Variants in ZNF236 observed in about 807,000 individuals in gnomAD.
ZNF236 encodes zinc finger protein 236.
A neutral mutation model predicts 191.2 loss-of-function variants in ZNF236; 50 were observed. The observed-to-expected ratio is 0.26, with a 90% confidence interval of 0.21 to 0.33. The LOEUF is 0.33. Ranked by LOEUF, ZNF236 falls within the 10% of genes least tolerant of loss-of-function variation. The probability of loss-of-function intolerance (pLI) is 1.00; values close to 1 mark genes in which losing one functional copy is unlikely to be tolerated. For missense variants in ZNF236, 1,754 were observed against 2,374.5 expected, an observed-to-expected ratio of 0.74 and a Z score of 5.43; for synonymous variants, 907 against 928.8, an observed-to-expected ratio of 0.98 and a Z score of 0.43.
chr18:76,947,464 A>G, intron 26 of ZNF236, 57 bp from the exon 27 acceptor site: 2 of 1,578,538 alleles, frequency 1.3e-6, no homozygotes, highest in East Asian at 4.5e-5. Flanking sequence ...GATCTTTTAA[A>G]TTATTGCTTG....
chr18:76,833,277 T>C (rs8086415), intron 1 of ZNF236, among the ~76,000 whole-genome samples: 4,107 of 152,236 alleles, frequency 0.027, 176 homozygotes, highest in African/African-American at 0.093. Flanking sequence ...ATTCTTGACT[T>C]GTTCCCAACT....
In ZNF236 at chr18:76,880,157, A is replaced by G. The variant is rs946654131; in HGVS notation, c.1029A>G (p.Gln343=). ...TACCTCTTCAACAGACGGAAGCCCA[A>G]GCCACGTCGGCCTCAAGCCAGCCGA... ...QTLPLQQTEA[Q]ATSASSQPSS... is the part of the protein sequence containing the mutation. Residue 343 remains glutamine (Q), a synonymous_variant, in exon 8 of 31, where the codon CAA becomes CAG. Coordinates refer to ENST00000320610, the MANE Select transcript of ZNF236 (RefSeq NM_001306089.2). The surrounding 1 kb of genome is among the most constrained non-coding windows in gnomAD (Gnocchi z 5.0). 3.3e-5 allele frequency: 54 copies of G among 1,614,012 alleles called. No homozygotes were observed. The highest frequency in any genetic ancestry group is 4.2e-5 in the Non-Finnish European group (50 of 1,180,010).
At chr18:76,930,407 T>C (rs1280281975) in intron 25 of ZNF236, among the ~76,000 whole-genome samples, 1 of 152,218 alleles carries the variant, frequency 6.6e-6, no homozygotes. Context: ...TTTACCAAGT[T>C]TTTCCAAGGC....
chr18:76,847,990 G>T (rs992140498), intron 1 of ZNF236, among the ~76,000 whole-genome samples: 1 of 152,170 alleles, frequency 6.6e-6, no homozygotes, highest in African/African-American at 2.4e-5. Context: ...GCCGGAATTT[G>T]CCTTTTCTCA....
At chr18:76,935,440 A>G (rs1456393130) in intron 25 of ZNF236, among the ~76,000 whole-genome samples, 2 of 152,184 alleles carry the variant, frequency 1.3e-5, no homozygotes, top group African/African-American at 4.8e-5. Flanking sequence ...TTCATGCTGC[A>G]CAGTCCCGGA....
At position 76,917,839 on chromosome 18, in the gene ZNF236, C is replaced by T. The variant is rs147150492; in HGVS notation, c.3275-1937C>T. On this transcript the variant is annotated intron_variant, in intron 19 of 30. Coordinates refer to ENST00000320610, the MANE Select transcript of ZNF236 (RefSeq NM_001306089.2). Reference sequence around the variant, plus strand: ...CATTCCAAGCTTTATTGGTATAATGCGGACTTTCAGTTTGCTGTATCTTTT... The same window carrying T: ...CATTCCAAGCTTTATTGGTATAATGTGGACTTTCAGTTTGCTGTATCTTTT... 5.6e-4 allele frequency among the ~76,000 whole-genome samples: 86 copies of T among 152,228 alleles called. 1 individual carries two copies. The East Asian group carries it at 0.015, about 26-fold the overall frequency.
At chr18:76,944,856 GT>G (rs1968219032) in intron 26 of ZNF236, among the ~76,000 whole-genome samples, 1 of 152,170 alleles carries the variant, frequency 6.6e-6, no homozygotes, top group Non-Finnish European at 1.5e-5. Flanking sequence ...TTGTATTCAA[GT>G]TTTTTTAATT....
chr18:76,852,409 T>C (rs531217175), intron 3 of ZNF236, among the ~76,000 whole-genome samples: 3 of 152,204 alleles, frequency 2.0e-5, no homozygotes, highest in African/African-American at 7.2e-5. Context: ...TCCTGGGAGC[T>C]CCACAGGCCC....
intron 1 of ZNF236, among the ~76,000 whole-genome samples, chr18:76,842,299 C>T (rs1568190099): frequency 1.3e-5 from 2 of 151,526 alleles, no homozygotes; most frequent in African/African-American, 4.9e-5. Flanking sequence ...ATGTACCTCT[C>T]CTTTACCAGC....
chr18:76,897,309 A>G (rs1428415986), intron 10 of ZNF236, among the ~76,000 whole-genome samples: 10 of 152,022 alleles, frequency 6.6e-5, no homozygotes. Flanking sequence ...AGTACCAAAC[A>G]GTACTGCACA....
Position 76,959,753 on chromosome 18 carries a change from G to C in ZNF236, c.5179G>C (p.Asp1727His). The C allele has an allele frequency of 6.2e-7, 1 of 1,614,074 alleles. No homozygotes were observed. Among genetic ancestry groups the C allele is most frequent in the Non-Finnish European group, 8.5e-7 (1 of 1,179,994 alleles). The change falls in exon 29 of 31, where the codon GAC (aspartate) becomes CAC (histidine). Residue 1727 changes from aspartate to histidine, a missense_variant. Transcript: ENST00000320610. ...SSQKPRVFKCDTCEKAFAKPS... is the reference protein window; with the variant it reads ...SSQKPRVFKCHTCEKAFAKPS... Reference sequence around the variant, plus strand: ...CCAGAAGCCAAGAGTGTTTAAATGTGACACTTGTGAGAAGGCATTTGCCAA... The same window carrying C: ...CCAGAAGCCAAGAGTGTTTAAATGTCACACTTGTGAGAAGGCATTTGCCAA...
At chr18:76,874,955 TTTTCAGCAGACAAG>T (rs1266957552) in intron 5 of ZNF236, among the ~76,000 whole-genome samples, 1 of 151,946 alleles carries the variant, frequency 6.6e-6, no homozygotes, top group East Asian at 1.9e-4. Context: ...CCATTGAGGG[TTTTCAGCAGACAAG>T]TGACTTGCTC....
chr18:76,920,551 C>A (rs369278684), intron 20 of ZNF236, among the ~76,000 whole-genome samples: 436 of 141,822 alleles, frequency 3.1e-3, no homozygotes, highest in Admixed American at 3.0e-3. Context: ...AACTCCGTCT[C>A]AAAAAAAAAA....
At chr18:76,953,324 C>T (rs1037200331) in intron 27 of ZNF236, among the ~76,000 whole-genome samples, 2 of 152,160 alleles carry the variant, frequency 1.3e-5, no homozygotes, top group African/African-American at 2.4e-5. Flanking sequence ...GGGCCATGGC[C>T]TTCTTTTGAA....
chr18:76,855,079 A>G (rs984841592), intron 3 of ZNF236, among the ~76,000 whole-genome samples: 8 of 151,872 alleles, frequency 5.3e-5, no homozygotes, highest in Non-Finnish European at 8.8e-5. Context: ...GCGCCCCACC[A>G]TATCCAGCTA....
rs1967115493 is a variant in ZNF236, at chr18:76,908,381, G to A, written c.2359G>A (p.Val787Ile). Residue 787 changes from valine to isoleucine, a missense_variant, in exon 14 of 31, where the codon GTA becomes ATA. Around this residue, in one of 5 missense-constraint regions of ZNF236, gnomAD observed 641 missense variants for 869.6 expected, o/e 0.74. Coordinates refer to ENST00000320610, the MANE Select transcript of ZNF236 (RefSeq NM_001306089.2). ...GGCAGCCTCGATAGATGACAGCACT[G>A]TAGACCAGCAGAGCATGCAGGCCTC... ...QQAASIDDST[V>I]DQQSMQASTQ... is the part of the protein sequence containing the mutation. The A allele has an allele frequency of 5.0e-6, 8 of 1,614,218 alleles. No individual in the cohort carries two copies. In the South Asian group the frequency reaches 5.5e-5, roughly 11 times the overall value.
chr18:76,890,821 C>G (rs1977206095), intron 9 of ZNF236, among the ~76,000 whole-genome samples: 1 of 152,100 alleles, frequency 6.6e-6, no homozygotes, highest in African/African-American at 2.4e-5. Flanking sequence ...CTAGACAACA[C>G]AAATTTGAAC....
At position 76,959,691 on chromosome 18, in the gene ZNF236, A is replaced by G; in HGVS notation, c.5117A>G (p.His1706Arg). 6.2e-7 allele frequency: 1 copy of G among 1,607,024 alleles called. No homozygotes were observed. The highest frequency in any genetic ancestry group is 8.5e-7 in the Non-Finnish European group (1 of 1,176,246). The change falls in exon 29 of 31, where the codon CAC becomes CGC. Residue 1706 changes from histidine (H) to arginine (R), a missense_variant. His to Arg is a conservative substitution (Grantham distance 29). Around this residue, in one of 5 missense-constraint regions of ZNF236, gnomAD observed 606 missense variants for 761.5 expected, o/e 0.80. Coordinates refer to ENST00000320610, the MANE Select transcript of ZNF236 (RefSeq NM_001306089.2). The part of the protein sequence containing the change: ...AFKRATHLKE[H>R]MQTHQAGPSL... ...TTTCTGTGTGTTGTCTCCCAGGAGC[A>G]CATGCAGACACACCAGGCCGGCCCC... is the stretch of plus-strand genomic sequence containing the variant.
intron 26 of ZNF236, among the ~76,000 whole-genome samples, chr18:76,945,584 C>A (rs1599417268): frequency 6.6e-6 from 1 of 152,314 alleles, no homozygotes; most frequent in Admixed American, 6.5e-5. Flanking sequence ...TCAGGAGTTC[C>A]AGACTAGCCT....
Sources: allele counts gnomAD v4.1 joint callset (sites outside exome capture counted in the v4.1 genomes callset), GRCh38; gene constraint gnomAD v4.1.1; regional missense constraint gnomAD v4.1.1; non-coding constraint Gnocchi (gnomAD v3.1); transcripts MANE v1.5; gene names NCBI Gene and HGNC (gene_info 2026-07-23, HGNC 2026-07-21).